The following MGST1 variants were observed in gnomAD, a reference collection of about 807,000 sequenced individuals.
MGST1 encodes the protein glutathione S-transferase 12.
Under a neutral mutation model 8.9 loss-of-function variants are expected in MGST1, and 5 were observed. The observed-to-expected ratio is 0.56, with a 90% CI of 0.29 to 1.19. The LOEUF (loss-of-function observed/expected upper bound fraction) is 1.19. Among genes scored for constraint, MGST1 ranks in the 50% most tolerant of loss-of-function variants. The pLI is 0.08. For missense variants in MGST1, 182 were observed against 187.4 expected (o/e 0.97, Z 0.17); for synonymous variants, 54 against 67.8 (o/e 0.80, Z 1.00).
intron 4 of MGST1, among the ~76,000 whole-genome samples, chr12:16,475,273 A>G (rs1458561250): frequency 6.6e-6 from 1 of 152,204 alleles, no homozygotes; most frequent in Non-Finnish European, 1.5e-5. Context: ...TTTAATGAAC[A>G]GTGAAAAGAA....
rs780725342 is a variant in MGST1 at position 16,560,552 on chromosome 12, C to T, written n.483-28976C>T. ...ACACCAAAGAGCCTAGAATAAGAAA[C>T]ATTTTTTTTTTTTTACAAACTCTTA... On this transcript the variant is annotated intron_variant and non_coding_transcript_variant, in intron 4 of 4. Transcript: ENST00000538857. The surrounding 1 kb of genome is among the most constrained non-coding windows in gnomAD (Gnocchi z 5.0). 2.3e-5 allele frequency: 36 copies of T among 1,551,112 alleles called. No individual in the cohort carries two copies. In the South Asian group the frequency reaches 4.2e-4, roughly 18 times the overall value.
intron 4 of MGST1, among the ~76,000 whole-genome samples, chr12:16,471,895 A>C (rs188713943): frequency 3.9e-4 from 58 of 150,402 alleles, no homozygotes; most frequent in African/African-American, 1.3e-3. Flanking sequence ...ATACTTACCA[A>C]GTGTAGAGCT....
At chr12:16,541,440 TCTAA>T (rs1252313597) in intron 4 of MGST1, among the ~76,000 whole-genome samples, 6 of 152,202 alleles carry the variant, frequency 3.9e-5, no homozygotes, top group Non-Finnish European at 8.8e-5. Flanking sequence ...TGTCTGTAGT[TCTAA>T]CTAATTACTT....
chr12:16,517,830 G>C lies in MGST1; in HGVS notation n.483-71698G>C, dbSNP rs1941624804. On this transcript the variant is annotated intron_variant and non_coding_transcript_variant, in intron 4 of 4. Coordinates refer to the MGST1 transcript ENST00000538857. This position sits in a 1 kb window ranked among gnomAD's most constrained non-coding sequence, Gnocchi z 4.2. Reference sequence around the variant, plus strand: ...TCTCATAATTTCTTATTGGAGATTAGTATATGGACATTCTAGTTATGTTAA... The same window carrying C: ...TCTCATAATTTCTTATTGGAGATTACTATATGGACATTCTAGTTATGTTAA... Among the ~76,000 whole-genome samples the C allele has an allele frequency of 6.6e-6, 1 of 152,210 alleles. No individual in the cohort carries two copies.
chr12:16,448,337 G>A (rs1941098550), intron 4 of MGST1, among the ~76,000 whole-genome samples: 1 of 151,918 alleles, frequency 6.6e-6, no homozygotes, highest in African/African-American at 2.4e-5. Flanking sequence ...ATTTTTGAAA[G>A]ACTAAAAGTG....
intron 1 of MGST1, 80 bp from the exon 2 acceptor site, chr12:16,354,151 A>G (rs1299047112): frequency 1.0e-6 from 1 of 994,008 alleles, no homozygotes; most frequent in Admixed American, 3.0e-5. Context: ...TAATGCTGCA[A>G]TATAAGAACA....
rs1591704541 is a variant in MGST1 at position 16,363,936 on chromosome 12, T to C, written c.363T>C (p.Tyr121=). 12 of 1,613,990 alleles carry C rather than the reference T, an allele frequency of 7.4e-6. No homozygotes were observed. The highest frequency in any genetic ancestry group is 9.3e-6 in the Non-Finnish European group (11 of 1,179,904). ...VGARIYHTIA[Y]LTPLPQPNRA... ...CACGGATCTACCACACCATTGCATA[T>C]TTGACACCCCTTCCCCAGCCAAATA... The change falls in exon 4 of 4, where the codon TAT becomes TAC. Residue 121 remains tyrosine (Y), a synonymous_variant. Coordinates refer to ENST00000396210, the MANE Select transcript of MGST1 (RefSeq NM_020300.5). The surrounding 1 kb of genome is among the most constrained non-coding windows in gnomAD (Gnocchi z 4.6).
intron 1 of MGST1, among the ~76,000 whole-genome samples, chr12:16,351,140 T>C (rs1939443518): frequency 6.6e-6 from 1 of 152,202 alleles, no homozygotes; most frequent in South Asian, 2.1e-4. Flanking sequence ...TTTAAAATTA[T>C]TGTTAAGTAG....
At position 16,360,291 on chromosome 12, in the gene MGST1, T is replaced by C. The variant is rs969401956; in HGVS notation, c.221+2592T>C. The C allele has an allele frequency of 8.2e-6, 8 of 969,710 alleles. No homozygotes were observed. The African/African-American group carries it at 1.4e-4, about 17-fold the overall frequency. The allele number at this position is 969,710 out of a possible 1,614,324, so 60.1% of individuals were successfully genotyped here. A position where few individuals can be genotyped will look rare whatever the true frequency, so the allele number is the denominator to read the frequency against. On this transcript the variant is annotated intron_variant, in intron 3 of 3. Coordinates refer to ENST00000396210, the MANE Select transcript of MGST1 (RefSeq NM_020300.5). The stretch of plus-strand genomic sequence containing the variant: ...AGACTTTTTTTTTTCACCTCTCTCG[T>C]TACTTCAGTCATTGTAAAGCTGTTA...
Position 16,502,119 on chromosome 12 carries a change from A to G in MGST1, n.483-87409A>G, listed in dbSNP as rs565257813. ...GTCGAAGACAAATGAATTCCAAGGT[A>G]CAAAAATAATTAGAAACACAAAGAC... On this transcript the variant is annotated intron_variant and non_coding_transcript_variant, in intron 4 of 4. Transcript: ENST00000538857. 4.9e-4 allele frequency among the ~76,000 whole-genome samples: 74 copies of G among 152,344 alleles called. 1 individual carries two copies. Among genetic ancestry groups the G allele is most frequent in the South Asian group, 2.3e-3 (11 of 4,830 alleles).
intron 4 of MGST1, among the ~76,000 whole-genome samples, chr12:16,567,862 C>G (rs958229387): frequency 1.3e-5 from 2 of 152,092 alleles, no homozygotes; most frequent in Non-Finnish European, 2.9e-5. Context: ...AGTGGGTGCT[C>G]AAGCCCACTC....
chr12:16,370,947 T>C (rs10846338), intron 3 of MGST1, among the ~76,000 whole-genome samples: 16,817 of 152,162 alleles, frequency 0.11, 1,874 homozygotes, highest in East Asian at 0.28. Context: ...ATTTTGTGGG[T>C]TTAATGTCTC....
In MGST1 at chr12:16,518,510, A is replaced by T. The variant is rs181435472; in HGVS notation, n.483-71018A>T. On this transcript the variant is annotated intron_variant and non_coding_transcript_variant, in intron 4 of 4. Coordinates refer to the MGST1 transcript ENST00000538857. ...TGCACTTATTTGTTCCCTCTTTTTT[A>T]AAAAAAATGTTTTCCTCACTAAAAA... Among the ~76,000 whole-genome samples, 680 of 152,042 alleles carry T rather than the reference A, an allele frequency of 4.5e-3. 4 individuals are homozygous for T. The highest frequency in any genetic ancestry group is 0.014 in the African/African-American group (571 of 41,484).
At chr12:16,459,762 C>T (rs570931768) in intron 4 of MGST1, among the ~76,000 whole-genome samples, 1 of 152,152 alleles carries the variant, frequency 6.6e-6, no homozygotes, top group South Asian at 2.1e-4. Flanking sequence ...AGCTTCTCAA[C>T]CACATCTTTT....
intron 1 of MGST1, among the ~76,000 whole-genome samples, chr12:16,352,927 G>T (rs1939533355): frequency 6.6e-6 from 1 of 152,086 alleles, no homozygotes; most frequent in African/African-American, 2.4e-5. Flanking sequence ...TGACAATTGT[G>T]ATAAGGATAT....
intron 4 of MGST1, among the ~76,000 whole-genome samples, chr12:16,487,959 G>A (rs1941410770): frequency 1.3e-5 from 2 of 152,204 alleles, no homozygotes; most frequent in African/African-American, 4.8e-5. Flanking sequence ...ATAGGCTAAA[G>A]AATGGTGAAA....
intron 1 of MGST1, among the ~76,000 whole-genome samples, chr12:16,422,698 G>C (rs1940849166): frequency 6.6e-6 from 1 of 152,240 alleles, no homozygotes; most frequent in South Asian, 2.1e-4. Flanking sequence ...TAATCTGTTA[G>C]GTCTCACTTT....
upstream of MGST1, among the ~76,000 whole-genome samples, chr12:16,382,411 C>T (rs1411989069): frequency 6.6e-6 from 1 of 152,126 alleles, no homozygotes; most frequent in African/African-American, 2.4e-5. Flanking sequence ...CACTCCAGAC[C>T]CTGTTTGCCT....
At chr12:16,385,465 A>G (rs557278279) in intron 1 of MGST1, among the ~76,000 whole-genome samples, 5 of 152,328 alleles carry the variant, frequency 3.3e-5, no homozygotes, top group African/African-American at 9.6e-5. Context: ...TATTACACAT[A>G]GAAATGGCAA....
Sources: gnomAD v4.1 joint callset for allele counts (sites outside exome capture counted in the v4.1 genomes callset) on GRCh38, gnomAD v4.1.1 for gene constraint, Gnocchi (gnomAD v3.1) non-coding constraint, MANE v1.5 for transcripts, NCBI Gene and HGNC (gene_info 2026-07-23, HGNC 2026-07-21) for gene names.